STAG1: variants seen among roughly 807,000 people sequenced by gnomAD.
STAG1 encodes the protein STAG1 cohesin complex component.
STAG1 carries 26 observed loss-of-function variants against 170.9 expected under a neutral mutation model. The observed-to-expected ratio is 0.15, with a 90% CI of 0.11 to 0.21. The LOEUF (loss-of-function observed/expected upper bound fraction) is 0.21. STAG1 is among the 10% of genes least tolerant of loss of function. The probability of loss-of-function intolerance (pLI) is 1.00; values close to 1 mark genes in which losing one functional copy is unlikely to be tolerated. For synonymous variants in STAG1, 514 were observed against 497.7 expected, an observed-to-expected ratio of 1.03 and a Z score of -0.44; for missense variants, 964 against 1,509.5, an observed-to-expected ratio of 0.64 and a Z score of 5.99.
intron 4 of STAG1, among the ~76,000 whole-genome samples, chr3:136,572,776 T>C (rs936190751): frequency 6.6e-6 from 1 of 152,118 alleles, no homozygotes; most frequent in Non-Finnish European, 1.5e-5. Flanking sequence ...AAATTATTTA[T>C]ATAATAAATG....
At chr3:136,430,927 A>G (rs1395026627) in intron 16 of STAG1, among the ~76,000 whole-genome samples, 1 of 150,444 alleles carries the variant, frequency 6.6e-6, no homozygotes, top group Non-Finnish European at 1.5e-5. Flanking sequence ...TTTTGGAGAC[A>G]GAGTCTTACT....
At chr3:136,625,401 T>C (rs1168268146) in intron 2 of STAG1, among the ~76,000 whole-genome samples, 1 of 152,224 alleles carries the variant, frequency 6.6e-6, no homozygotes, top group Non-Finnish European at 1.5e-5. Flanking sequence ...GATCTCTGAC[T>C]CAGGATTTTT....
intron 21 of STAG1, among the ~76,000 whole-genome samples, chr3:136,408,000 C>T (rs1560094076): frequency 6.6e-6 from 1 of 151,932 alleles, no homozygotes; most frequent in Non-Finnish European, 1.5e-5. Context: ...ACTGAGAAAG[C>T]CACTGTTCAT....
At chr3:136,540,334 A>C (rs1463653051) in intron 6 of STAG1, among the ~76,000 whole-genome samples, 1 of 152,090 alleles carries the variant, frequency 6.6e-6, no homozygotes, top group East Asian at 1.9e-4. Context: ...AAAAAAAAAA[A>C]ACTAGAATGG....
chr3:136,747,976 C>T (rs1935032292), intron 1 of STAG1, among the ~76,000 whole-genome samples: 1 of 151,748 alleles, frequency 6.6e-6, no homozygotes, highest in Non-Finnish European at 1.5e-5. Context: ...CAGGGTTTCA[C>T]CGTGTTGCCA....
At chr3:136,668,260 T>C (rs1308263987) in intron 1 of STAG1, among the ~76,000 whole-genome samples, 6 of 147,450 alleles carry the variant, frequency 4.1e-5, no homozygotes, top group African/African-American at 9.9e-5. Flanking sequence ...AAACACATTA[T>C]ATATTATACA....
intron 4 of STAG1, among the ~76,000 whole-genome samples, chr3:136,596,587 CTA>C (rs1324499371): frequency 5.3e-5 from 8 of 152,188 alleles, no homozygotes; most frequent in African/African-American, 1.9e-4. Context: ...CCTTTTTCTC[CTA>C]TCTTTTCAGA....
At chr3:136,541,546 A>ACACACACACT (rs1350862626) in intron 6 of STAG1, among the ~76,000 whole-genome samples, 8 of 141,124 alleles carry the variant, frequency 5.7e-5, no homozygotes, top group Non-Finnish European at 1.1e-4. Flanking sequence ...ATTCACACAC[A>ACACACACACT]CACACACACA....
intron 1 of STAG1, among the ~76,000 whole-genome samples, chr3:136,692,414 C>T (rs1187375383): frequency 1.3e-5 from 2 of 150,188 alleles, no homozygotes. Context: ...GTGGGCAGAT[C>T]ACCTGAGGTC....
chr3:136,694,213 T>A (rs1246498184), intron 1 of STAG1, among the ~76,000 whole-genome samples: 1 of 152,102 alleles, frequency 6.6e-6, no homozygotes, highest in Non-Finnish European at 1.5e-5. Context: ...CTTATCCCAA[T>A]ATCGTAGGCC....
intron 1 of STAG1, among the ~76,000 whole-genome samples, chr3:136,656,266 C>G (rs1391070688): frequency 6.6e-6 from 1 of 151,670 alleles, no homozygotes; most frequent in Non-Finnish European, 1.5e-5. Flanking sequence ...TTGCCTGAAG[C>G]TGGGGTTGGG....
At chr3:136,682,998 G>A (rs548640075) in intron 1 of STAG1, among the ~76,000 whole-genome samples, 14 of 152,240 alleles carry the variant, frequency 9.2e-5, no homozygotes, top group African/African-American at 1.4e-4. Flanking sequence ...TGTGTTAAGC[G>A]AAATAAGTCA....
chr3:136,382,051 T>G (rs1937998063), intron 22 of STAG1, among the ~76,000 whole-genome samples: 3 of 152,198 alleles, frequency 2.0e-5, no homozygotes, highest in South Asian at 4.1e-4. Flanking sequence ...AATATGGATG[T>G]TTACCACAAT....
At chr3:136,608,273 A>C (rs1218105411) in intron 3 of STAG1, among the ~76,000 whole-genome samples, 5 of 151,742 alleles carry the variant, frequency 3.3e-5, no homozygotes, top group Non-Finnish European at 7.4e-5. Context: ...AAAAAAAAAA[A>C]CTGCACACTG....
intron 13 of STAG1, among the ~76,000 whole-genome samples, chr3:136,463,324 T>G (rs1006936779): frequency 1.3e-5 from 2 of 152,188 alleles, no homozygotes; most frequent in African/African-American, 4.8e-5. Context: ...AATTTGTTAT[T>G]GTAGCACTGA....
At chr3:136,615,906 C>A (rs1247772729) in intron 3 of STAG1, among the ~76,000 whole-genome samples, 1 of 152,050 alleles carries the variant, frequency 6.6e-6, no homozygotes, top group Non-Finnish European at 1.5e-5. Context: ...AAAGTAAGCC[C>A]TAAAGATACA....
At chr3:136,724,973 TTTC>T (rs752082125) in intron 1 of STAG1, among the ~76,000 whole-genome samples, 1 of 152,208 alleles carries the variant, frequency 6.6e-6, no homozygotes, top group Non-Finnish European at 1.5e-5. Flanking sequence ...CAAAGTATCA[TTTC>T]TTCTTATTTT....
chr3:136,744,178 T>C (rs992960971), intron 1 of STAG1, among the ~76,000 whole-genome samples: 8 of 152,122 alleles, frequency 5.3e-5, no homozygotes, highest in Admixed American at 3.3e-4. Context: ...AAATACAAAA[T>C]TAGCCAGACA....
intron 6 of STAG1, among the ~76,000 whole-genome samples, chr3:136,526,505 G>T (rs1236646152): frequency 6.6e-6 from 1 of 152,028 alleles, no homozygotes; most frequent in Non-Finnish European, 1.5e-5. Context: ...ACTTGAGATG[G>T]GTCTCCTGAA....
Sources: allele counts gnomAD v4.1 joint callset (sites outside exome capture counted in the v4.1 genomes callset), GRCh38; gene constraint gnomAD v4.1.1; transcripts MANE v1.5; gene names NCBI Gene and HGNC (gene_info 2026-07-23, HGNC 2026-07-21).